Variants in CHRNA7 observed in about 807,000 individuals in gnomAD.
CHRNA7 encodes the protein cholinergic receptor nicotinic alpha 7 subunit, also known as neuronal acetylcholine receptor subunit alpha-7.
A neutral mutation model predicts 48.0 loss-of-function variants in CHRNA7; 17 were observed. The ratio of observed to expected loss-of-function variants is 0.35; its 90% CI spans 0.24 to 0.53. The LOEUF is 0.53. Ranked by LOEUF, CHRNA7 falls within the 20% of genes least tolerant of loss-of-function variation. CHRNA7 has a pLI of 0.92. For synonymous variants in CHRNA7, 75 were observed against 242.3 expected, an observed-to-expected ratio of 0.31 and a Z score of 6.41; for missense variants, 155 against 577.7, an observed-to-expected ratio of 0.27 and a Z score of 7.50.
chr15:32,036,627 C>T (rs946736399), intron 2 of CHRNA7, among the ~76,000 whole-genome samples: 3 of 152,082 alleles, frequency 2.0e-5, no homozygotes, highest in African/African-American at 7.2e-5. Flanking sequence ...TTAAGCATTC[C>T]AATAGGTGTG....
intron 2 of CHRNA7, among the ~76,000 whole-genome samples, chr15:32,096,661 T>C (rs928856825): frequency 3.3e-5 from 5 of 152,118 alleles, no homozygotes; most frequent in Admixed American, 1.3e-4. Context: ...AATAATGTGA[T>C]GGGAGCTCTG....
chr15:32,158,728 TCC>T (rs2051826134), intron 7 of CHRNA7, 122 bp downstream of exon 7: 1 of 740,874 alleles, frequency 1.3e-6, no homozygotes, highest in Admixed American at 2.9e-5. Flanking sequence ...CCCTGGCTCA[TCC>T]CATGGACCTC....
At chr15:32,085,856 A>G (rs1043129235) in intron 2 of CHRNA7, among the ~76,000 whole-genome samples, 2 of 152,188 alleles carry the variant, frequency 1.3e-5, no homozygotes, top group African/African-American at 4.8e-5. Context: ...TAATTTGAAC[A>G]TGTTACTTCA....
At chr15:32,096,172 A>G (rs935416381) in intron 2 of CHRNA7, among the ~76,000 whole-genome samples, 6 of 152,242 alleles carry the variant, frequency 3.9e-5, no homozygotes, top group Non-Finnish European at 7.3e-5. Flanking sequence ...CGTGAAGCCA[A>G]AATGCGTTGT....
intron 2 of CHRNA7, among the ~76,000 whole-genome samples, chr15:32,081,241 C>T (rs2050210640): frequency 1.3e-5 from 2 of 152,062 alleles, no homozygotes; most frequent in Admixed American, 1.3e-4. Context: ...CACCATGGCA[C>T]ATGTTTACCT....
chr15:32,062,670 A>G (rs1477912196), intron 2 of CHRNA7, among the ~76,000 whole-genome samples: 4 of 152,160 alleles, frequency 2.6e-5, no homozygotes, highest in African/African-American at 9.7e-5. Context: ...TTCTGACATC[A>G]ACTGAGTATT....
rs561318158 is a variant in CHRNA7, at chr15:32,049,013, GATT to G, written c.195+17977_195+17979del. Among the ~76,000 whole-genome samples the G allele has an allele frequency of 7.5e-4, 105 of 140,360 alleles. 5 individuals carry two copies. The South Asian group carries it at 0.022, about 29-fold the overall frequency. The allele number at this position is 140,360 out of a possible 152,430, so 92.1% of individuals were successfully genotyped here. On this transcript the variant is annotated intron_variant, in intron 2 of 9. Transcript: ENST00000306901. ...GTTTCTTAATCCTGAGTTCTAGTTT[GATT>G]GCACTGTGGTCTGTTCTTTTACATT... is the stretch of plus-strand genomic sequence containing the variant.
intron 2 of CHRNA7, among the ~76,000 whole-genome samples, chr15:32,040,280 G>T (rs372751986): frequency 6.6e-6 from 1 of 151,854 alleles, no homozygotes; most frequent in East Asian, 1.9e-4. Context: ...TATCATATTT[G>T]TTACTGATTT....
chr15:32,126,898 A>G (rs2051076143), intron 4 of CHRNA7, among the ~76,000 whole-genome samples: 1 of 152,234 alleles, frequency 6.6e-6, no homozygotes, highest in African/African-American at 2.4e-5. Flanking sequence ...AAGTTTATTC[A>G]GATTTCACCA....
intron 3 of CHRNA7, chr15:32,111,201 C>T (rs1333197001): frequency 1.3e-5 from 2 of 152,310 alleles, no homozygotes; most frequent in Non-Finnish European, 2.9e-5. Flanking sequence ...GAGTCTTCAC[C>T]TGCCTCCTTT....
At chr15:32,127,781 G>A (rs2051093772) in intron 4 of CHRNA7, among the ~76,000 whole-genome samples, 1 of 151,972 alleles carries the variant, frequency 6.6e-6, no homozygotes, top group Non-Finnish European at 1.5e-5. Flanking sequence ...CTTCTTTACA[G>A]GGTCTTTCAC....
At chr15:32,111,368 A>G (rs1003786317) in intron 3 of CHRNA7, 4 of 157,686 alleles carry the variant, frequency 2.5e-5, no homozygotes, top group African/African-American at 9.6e-5. Context: ...CTTTATGGAA[A>G]TAAATATTCC....
intron 4 of CHRNA7, among the ~76,000 whole-genome samples, chr15:32,121,761 A>G (rs2050974895): frequency 6.6e-6 from 1 of 152,174 alleles, no homozygotes; most frequent in Non-Finnish European, 1.5e-5. Flanking sequence ...TTTCATGGAA[A>G]GATATGTAAG....
intron 3 of CHRNA7, among the ~76,000 whole-genome samples, chr15:32,110,029 T>C (rs1280559353): frequency 2.0e-5 from 3 of 152,194 alleles, no homozygotes; most frequent in African/African-American, 4.8e-5. Flanking sequence ...TGGCCTACCA[T>C]GCCCACTTTC....
chr15:32,070,481 A>T (rs1216040873), intron 2 of CHRNA7, among the ~76,000 whole-genome samples: 1 of 152,060 alleles, frequency 6.6e-6, no homozygotes, highest in Non-Finnish European at 1.5e-5. Context: ...ATTTTCATAC[A>T]GTCTAATTTT....
chr15:32,168,755 A>ACT lies in CHRNA7; in HGVS notation c.*297_*298insCT. 2 of 38,996 alleles carry ACT rather than the reference A, an allele frequency of 5.1e-5. No homozygotes were observed. Among genetic ancestry groups the ACT allele is most frequent in the Non-Finnish European group, 9.1e-5 (2 of 21,898 alleles). 2.4% of individuals were successfully genotyped at this position (38,996 alleles called of 1,614,324 possible). A position where few individuals can be genotyped will look rare whatever the true frequency, so the allele number is the denominator to read the frequency against. On this transcript the variant is annotated 3_prime_UTR_variant, in exon 10 of 10. Coordinates refer to ENST00000306901, the MANE Select transcript of CHRNA7 (RefSeq NM_000746.6). ...CCACTGCCTGGAAAGCCCTTCGGAG[A>ACT]GCTCCCCATGGCTCCTCACCACCGA...
chr15:32,030,998 C>G lies in CHRNA7; in HGVS notation c.156C>G (p.Thr52=), dbSNP rs199974614. The G allele has an allele frequency of 7.9e-5, 128 of 1,614,116 alleles. No homozygotes were observed. The highest frequency in any genetic ancestry group is 1.1e-4 in the Non-Finnish European group (124 of 1,180,044). Residue 52 remains threonine, a synonymous_variant, in exon 2 of 10, where the codon ACC becomes ACG. Transcript: ENST00000306901. The part of the protein sequence containing the change: ...RPVANDSQPL[T]VYFSLSLLQI... ...TGGCCAATGACTCGCAACCACTCAC[C>G]GTCTACTTCTCCCTGAGCCTCCTGC... is the stretch of plus-strand genomic sequence containing the variant.
rs1475047855 is a variant in CHRNA7, at chr15:32,149,334, G to A, written c.351-4573G>A. 6.6e-6 allele frequency among the ~76,000 whole-genome samples: 1 copy of A among 152,154 alleles called. No individual in the cohort carries two copies. The highest frequency in any genetic ancestry group is 1.5e-5 in the Non-Finnish European group (1 of 68,020). On this transcript the variant is annotated intron_variant, in intron 4 of 9. Transcript: ENST00000306901. The surrounding 1 kb of genome is among the most constrained non-coding windows in gnomAD (Gnocchi z 4.6). Reference sequence around the variant, plus strand: ...CAGGGCTGCCCAGCACTGGTGAGGGGGTCACTGTTGGCTGGCATCTGTCGG... The same window carrying A: ...CAGGGCTGCCCAGCACTGGTGAGGGAGTCACTGTTGGCTGGCATCTGTCGG...
chr15:32,080,756 CCAGAAATACCATTTGA>C (rs1316250970), intron 2 of CHRNA7, among the ~76,000 whole-genome samples: 1 of 152,126 alleles, frequency 6.6e-6, no homozygotes, highest in African/African-American at 2.4e-5. Context: ...AGACCTAGAA[CCAGAAATACCATTTGA>C]CTCAGCCGTC....
Sources: gnomAD v4.1 joint callset for allele counts (sites outside exome capture counted in the v4.1 genomes callset) on GRCh38, gnomAD v4.1.1 for gene constraint, Gnocchi (gnomAD v3.1) non-coding constraint, MANE v1.5 for transcripts, NCBI Gene and HGNC (gene_info 2026-07-23, HGNC 2026-07-21) for gene names.